The following DOCK8 variants were observed in gnomAD, a reference collection of about 807,000 sequenced individuals.
The protein encoded by DOCK8 is dedicator of cytokinesis 8.
In DOCK8, 141 loss-of-function variants were observed where a neutral mutation model predicts 245.6. The observed-to-expected ratio is 0.57, with a 90% CI of 0.50 to 0.66. The LOEUF (loss-of-function observed/expected upper bound fraction) is 0.66, where lower values mean the gene tolerates loss of function less well. Ranked by LOEUF, DOCK8 falls within the 30% of genes least tolerant of loss-of-function variation. DOCK8 has a pLI of 0.00. For synonymous variants in DOCK8, 1,168 were observed against 970.2 expected (o/e 1.20, Z -3.79); for missense variants, 2,965 against 2,603.4 (o/e 1.14, Z -3.02).
At chr9:332,948 A>T (rs2051094205) in intron 10 of DOCK8, among the ~76,000 whole-genome samples, 1 of 152,120 alleles carries the variant, frequency 6.6e-6, no homozygotes, top group South Asian at 2.1e-4. Flanking sequence ...ATGAGTCACC[A>T]TGCCCAGCCT....
chr9:415,059 C>A, intron 29 of DOCK8, 108 bp downstream of exon 29: 1 of 1,472,400 alleles, frequency 6.8e-7, no homozygotes, highest in Non-Finnish European at 9.4e-7. Context: ...TTCATATGAG[C>A]AATTCTTCAC....
intron 29 of DOCK8, among the ~76,000 whole-genome samples, chr9:415,471 A>C (rs546351018): frequency 6.6e-6 from 1 of 152,306 alleles, no homozygotes; most frequent in East Asian, 1.9e-4. Flanking sequence ...ACTAATTTTG[A>C]GGTTAATATG....
intron 24 of DOCK8, among the ~76,000 whole-genome samples, chr9:393,919 G>T (rs1425589735): frequency 1.3e-5 from 2 of 152,174 alleles, no homozygotes; most frequent in Non-Finnish European, 2.9e-5. Context: ...AGCCCCCAGG[G>T]TACAGCAGCT....
chr9:305,767 A>C (rs902019154), intron 5 of DOCK8, among the ~76,000 whole-genome samples: 9 of 152,232 alleles, frequency 5.9e-5, no homozygotes, highest in Admixed American at 1.3e-4. Flanking sequence ...CATTTGCATA[A>C]AACGGCCAAA....
chr9:214,587 C>CGCA (rs1294314812), upstream of DOCK8: 2 of 1,613,958 alleles, frequency 1.2e-6, no homozygotes, highest in African/African-American at 2.7e-5. Context: ...CTGGCAGCCT[C>CGCA]GCAGCTTCGG....
chr9:278,201 G>A (rs768958472), intron 2 of DOCK8, among the ~76,000 whole-genome samples: 15 of 152,230 alleles, frequency 9.9e-5, no homozygotes, highest in Non-Finnish European at 1.5e-4. Context: ...CTCAGCCTTG[G>A]TGAAACTAGA....
chr9:223,422 T>C (rs898192382), intron 1 of DOCK8, among the ~76,000 whole-genome samples: 6 of 152,158 alleles, frequency 3.9e-5, no homozygotes, highest in East Asian at 3.9e-4. Flanking sequence ...AGTGAGGAGA[T>C]TTACTCAAAA....
chr9:225,209 T>C (rs2046965374), intron 1 of DOCK8, among the ~76,000 whole-genome samples: 1 of 151,988 alleles, frequency 6.6e-6, no homozygotes, highest in Non-Finnish European at 1.5e-5. Context: ...TTAGAGAGCA[T>C]GGGGAACAGT....
intron 1 of DOCK8, among the ~76,000 whole-genome samples, chr9:266,392 T>C (rs1349835497): frequency 6.6e-6 from 1 of 152,084 alleles, no homozygotes; most frequent in Non-Finnish European, 1.5e-5. Context: ...AATGAATGAA[T>C]GAACCAACCA....
At chr9:430,946 TG>T (rs1479100231) in intron 36 of DOCK8, among the ~76,000 whole-genome samples, 1 of 152,156 alleles carries the variant, frequency 6.6e-6, no homozygotes, top group Non-Finnish European at 1.5e-5. Flanking sequence ...CAGAGCTCAC[TG>T]CAGCCTTCAA....
chr9:288,758 G>C (rs1471086944), intron 3 of DOCK8, among the ~76,000 whole-genome samples: 1 of 152,118 alleles, frequency 6.6e-6, no homozygotes, highest in Non-Finnish European at 1.5e-5. Context: ...CTGGGATTTG[G>C]GCAATTAGGG....
At chr9:227,643 A>G (rs1303303567) in intron 1 of DOCK8, among the ~76,000 whole-genome samples, 1 of 152,204 alleles carries the variant, frequency 6.6e-6, no homozygotes, top group Non-Finnish European at 1.5e-5. Flanking sequence ...AGATGAACAT[A>G]AAATACAGAA....
chr9:214,744 C>T, upstream of DOCK8: 1 of 1,522,146 alleles, frequency 6.6e-7, no homozygotes, highest in Non-Finnish European at 8.8e-7. Context: ...CCCTCCTCGC[C>T]CGCCGCTGCC....
At chr9:424,044 AT>A (rs546399114) in intron 33 of DOCK8, among the ~76,000 whole-genome samples, 270 of 142,462 alleles carry the variant, frequency 1.9e-3, no homozygotes, top group African/African-American at 6.7e-3. Flanking sequence ...ACATCTACAA[AT>A]TCTCAGGGGC....
chr9:390,193 G>T (rs778961669), intron 23 of DOCK8, among the ~76,000 whole-genome samples: 1 of 152,092 alleles, frequency 6.6e-6, no homozygotes, highest in Admixed American at 6.5e-5. Flanking sequence ...TGTTTCCCCC[G>T]TAGAATAGAG....
intron 45 of DOCK8, among the ~76,000 whole-genome samples, chr9:450,825 G>C (rs2057405294): frequency 6.6e-6 from 1 of 151,396 alleles, no homozygotes; most frequent in African/African-American, 2.4e-5. Flanking sequence ...GTACACGATG[G>C]ATATCTCTGA....
intron 2 of DOCK8, among the ~76,000 whole-genome samples, chr9:285,731 T>G (rs1436366519): frequency 6.6e-6 from 1 of 152,200 alleles, no homozygotes; most frequent in Non-Finnish European, 1.5e-5. Context: ...ACTCCCCCTC[T>G]TTCCAACTGT....
rs77599192 is a variant in DOCK8, at chr9:390,753, A to G, written c.2970+187A>G. On this transcript the variant is annotated intron_variant, in intron 24 of 47. Coordinates refer to ENST00000432829, the MANE Select transcript of DOCK8 (RefSeq NM_203447.4). Reference sequence around the variant, plus strand: ...TGTGTTGCTTCTACCATGAAAATCTATCGCCGTCCTGTGAGTTCTCATCAC... The same window carrying G: ...TGTGTTGCTTCTACCATGAAAATCTGTCGCCGTCCTGTGAGTTCTCATCAC... 0.037 allele frequency among the ~76,000 whole-genome samples: 5,576 copies of G among 152,126 alleles called. 336 individuals carry two copies. Among genetic ancestry groups the G allele is most frequent in the African/African-American group, 0.13 (5,299 of 41,482 alleles).
At chr9:333,262 A>G (rs977869671) in intron 10 of DOCK8, among the ~76,000 whole-genome samples, 2 of 152,242 alleles carry the variant, frequency 1.3e-5, no homozygotes, top group Non-Finnish European at 2.9e-5. Flanking sequence ...TGAAAAGGAT[A>G]TCTTTTCTCA....
Sources: gnomAD v4.1 joint callset for allele counts (sites outside exome capture counted in the v4.1 genomes callset) on GRCh38, gnomAD v4.1.1 for gene constraint, MANE v1.5 for transcripts, NCBI Gene and HGNC (gene_info 2026-07-23, HGNC 2026-07-21) for gene names.